The following RSF1 variants were observed in gnomAD, a reference collection of about 807,000 sequenced individuals.
RSF1 encodes the protein HBV pX-associated protein 8.
A neutral mutation model predicts 145.2 loss-of-function variants in RSF1; 13 were observed. The observed-to-expected ratio is 0.09, with a 90% CI of 0.06 to 0.14. RSF1 has a LOEUF of 0.14. Among genes scored for constraint, RSF1 ranks in the 10% least tolerant of loss-of-function variants. The probability of loss-of-function intolerance (pLI) is 1.00; values close to 1 mark genes in which losing one functional copy is unlikely to be tolerated. For synonymous variants in RSF1, 577 were observed against 592.6 expected, an observed-to-expected ratio of 0.97 and a Z score of 0.38; for missense variants, 1,517 against 1,718.2, an observed-to-expected ratio of 0.88 and a Z score of 2.07.
chr11:77,868,681 T>C, the RSF1 span: 1 of 175,868 alleles, frequency 5.7e-6, no homozygotes, highest in Non-Finnish European at 1.3e-5. Flanking sequence ...GTTTTTGTTG[T>C]TGTTGTTGTT....
At chr11:77,825,872 TG>T in the RSF1 span, among the ~76,000 whole-genome samples, 1 of 151,998 alleles carries the variant, frequency 6.6e-6, no homozygotes, top group Non-Finnish European at 1.5e-5. Context: ...TTGTATTTTT[TG>T]TAGAGATGGG....
At chr11:77,728,865 G>T (rs906024121) in intron 4 of RSF1, among the ~76,000 whole-genome samples, 22 of 134,306 alleles carry the variant, frequency 1.6e-4, no homozygotes, top group African/African-American at 6.5e-4. Context: ...TGCATAACTT[G>T]TAAAAAAAAA....
At chr11:77,813,856 C>CACACACACAG (rs1395930598) in intron 1 of RSF1, among the ~76,000 whole-genome samples, 2 of 147,608 alleles carry the variant, frequency 1.4e-5, no homozygotes, top group Non-Finnish European at 3.0e-5. Flanking sequence ...CACACACACA[C>CACACACACAG]AGAGATAATG....
the RSF1 span, chr11:77,842,603 G>A: frequency 1.9e-6 from 3 of 1,613,408 alleles, no homozygotes; most frequent in African/African-American, 2.7e-5. Flanking sequence ...AGTCGGACTT[G>A]GGATTGGAGA....
intron 1 of RSF1, among the ~76,000 whole-genome samples, chr11:77,766,449 C>T (rs766100285): frequency 6.6e-6 from 1 of 152,080 alleles, no homozygotes; most frequent in Non-Finnish European, 1.5e-5. Context: ...AGAAACAGTC[C>T]TTCTGTCTTT....
rs1245193502 is a variant in RSF1, at chr11:77,820,516, C to T, written c.187+12G>A. ...GGCCGCTTCCCGCCGGGCGTTCGGG[C>T]CCCTCGCTTACCTTCTCCGTTGCCG... On this transcript the variant is annotated intron_variant, in intron 1 of 15. Coordinates refer to ENST00000308488, the MANE Select transcript of RSF1 (RefSeq NM_016578.4). The T allele has an allele frequency of 5.2e-6, 8 of 1,546,806 alleles. No homozygotes were observed. The highest frequency in any genetic ancestry group is 2.4e-5 in the East Asian group (1 of 40,896).
the RSF1 span, among the ~76,000 whole-genome samples, chr11:77,843,889 T>C: frequency 4.6e-5 from 7 of 152,092 alleles, no homozygotes; most frequent in African/African-American, 1.7e-4. Context: ...AGTCACGTCT[T>C]ACATGGATGG....
the RSF1 span, among the ~76,000 whole-genome samples, chr11:77,834,762 A>T: frequency 0.75 from 113,444 of 152,040 alleles, 43,036 homozygotes; most frequent in African/African-American, 0.89. Context: ...AAAAGACTGA[A>T]TAAGTACTTG....
intron 5 of RSF1, among the ~76,000 whole-genome samples, chr11:77,704,221 G>GT (rs1960490506): frequency 6.6e-6 from 1 of 152,108 alleles, no homozygotes; most frequent in African/African-American, 2.4e-5. Flanking sequence ...CTGGAGCCCA[G>GT]GAGTTCAAGG....
At chr11:77,792,662 A>G (rs981032691) in intron 1 of RSF1, among the ~76,000 whole-genome samples, 10 of 152,084 alleles carry the variant, frequency 6.6e-5, no homozygotes, top group African/African-American at 2.4e-5. Flanking sequence ...CAGAGATTAC[A>G]TTATCATATA....
At chr11:77,863,483 C>T in the RSF1 span, among the ~76,000 whole-genome samples, 2 of 152,092 alleles carry the variant, frequency 1.3e-5, no homozygotes, top group African/African-American at 2.4e-5. Flanking sequence ...AGGTAGCCTG[C>T]GTTTAAGCAA....
intron 11 of RSF1, 32 bp from the exon 12 acceptor site, chr11:77,678,185 T>C (rs1010704221): frequency 2.0e-6 from 2 of 1,024,762 alleles, no homozygotes; most frequent in African/African-American, 1.9e-5. Flanking sequence ...CATTATAGCC[T>C]GTCCTGGCTT....
At chr11:77,745,762 G>A (rs990214700) in intron 3 of RSF1, among the ~76,000 whole-genome samples, 1 of 150,376 alleles carries the variant, frequency 6.6e-6, no homozygotes, top group South Asian at 2.1e-4. Context: ...GTATGATTAG[G>A]GTATAAGTCA....
chr11:77,715,509 G>T (rs535486632), intron 5 of RSF1, among the ~76,000 whole-genome samples: 2 of 152,190 alleles, frequency 1.3e-5, no homozygotes, highest in South Asian at 4.1e-4. Flanking sequence ...GTGCAGTAGC[G>T]CAATCTTGGC....
the RSF1 span, among the ~76,000 whole-genome samples, chr11:77,868,211 T>C: frequency 7.0e-6 from 1 of 143,638 alleles, no homozygotes; most frequent in Non-Finnish European, 1.5e-5. Context: ...ACCCGCTACC[T>C]GGCCCGGCTA....
chr11:77,774,371 G>A (rs1948318643), intron 1 of RSF1, among the ~76,000 whole-genome samples: 1 of 152,034 alleles, frequency 6.6e-6, no homozygotes. Flanking sequence ...GGGAGGCCAG[G>A]GCAGGCAGAT....
intron 5 of RSF1, among the ~76,000 whole-genome samples, chr11:77,724,301 T>C (rs1734154185): frequency 6.6e-6 from 1 of 152,188 alleles, no homozygotes; most frequent in Non-Finnish European, 1.5e-5. Flanking sequence ...ATGCAACTGC[T>C]GTGGAAAACA....
chr11:77,671,163 ATATATATATATATATT>A (rs1228980661), intron 15 of RSF1, among the ~76,000 whole-genome samples: 7 of 94,834 alleles, frequency 7.4e-5, no homozygotes, highest in Non-Finnish European at 1.2e-4. Flanking sequence ...ATATATATAT[ATATATATATATATATT>A]TATATGTATA....
chr11:77,791,022 GGTAGGGGATCTGT>G (rs1948512070), intron 1 of RSF1, among the ~76,000 whole-genome samples: 1 of 152,202 alleles, frequency 6.6e-6, no homozygotes, highest in South Asian at 2.1e-4. Context: ...CAGTGCCCCA[GGTAGGGGATCTGT>G]GTAGGGGTTT....
Sources: gnomAD v4.1 joint callset for allele counts (sites outside exome capture counted in the v4.1 genomes callset) on GRCh38, gnomAD v4.1.1 for gene constraint, MANE v1.5 for transcripts, NCBI Gene and HGNC (gene_info 2026-07-23, HGNC 2026-07-21) for gene names.